The following PTPN14 variants were observed in gnomAD, a reference collection of about 807,000 sequenced individuals.
PTPN14 encodes tyrosine-protein phosphatase non-receptor type 14.
In PTPN14, 53 loss-of-function variants were observed where a neutral mutation model predicts 126.8. The ratio of observed to expected loss-of-function variants is 0.42; its 90% confidence interval spans 0.34 to 0.53. The LOEUF (loss-of-function observed/expected upper bound fraction) is 0.53, where lower values mean the gene tolerates loss of function less well. Ranked by LOEUF, PTPN14 falls within the 20% of genes least tolerant of loss-of-function variation. PTPN14 has a pLI of 0.08. For missense variants in PTPN14, 1,257 were observed against 1,552.9 expected, an observed-to-expected ratio of 0.81 and a Z score of 3.20; for synonymous variants, 630 against 599.3, an observed-to-expected ratio of 1.05 and a Z score of -0.75.
chr1:214,416,431 G>A (rs1659427632), intron 3 of PTPN14, among the ~76,000 whole-genome samples: 1 of 152,296 alleles, frequency 6.6e-6, no homozygotes, highest in South Asian at 2.1e-4. Flanking sequence ...CAAAACAACA[G>A]CTCTAGTTCT....
intron 1 of PTPN14, among the ~76,000 whole-genome samples, chr1:214,523,713 G>A (rs1436277977): frequency 6.6e-6 from 1 of 152,192 alleles, no homozygotes; most frequent in Non-Finnish European, 1.5e-5. Flanking sequence ...GGCCCCAGGA[G>A]TACTGGCCAC....
At chr1:214,476,283 T>C (rs187272274) in intron 1 of PTPN14, among the ~76,000 whole-genome samples, 1 of 152,236 alleles carries the variant, frequency 6.6e-6, no homozygotes, top group East Asian at 1.9e-4. Context: ...CAAAAGCAAA[T>C]GGAAAGGTTT....
chr1:214,380,143 T>C (rs1410356424), intron 13 of PTPN14, among the ~76,000 whole-genome samples: 1 of 145,326 alleles, frequency 6.9e-6, no homozygotes, highest in East Asian at 1.9e-4. Context: ...TTTTTCTTTC[T>C]TTTTTTTTAT....
At chr1:214,381,262 G>A (rs1658465812) in intron 13 of PTPN14, among the ~76,000 whole-genome samples, 6 of 152,236 alleles carry the variant, frequency 3.9e-5, no homozygotes, top group Admixed American at 2.0e-4. Context: ...ACATCATTAA[G>A]TATCAAGTTG....
chr1:214,487,708 C>A (rs564445205), intron 1 of PTPN14, among the ~76,000 whole-genome samples: 1 of 151,790 alleles, frequency 6.6e-6, no homozygotes, highest in Admixed American at 6.6e-5. Context: ...ATATACTTTG[C>A]AATTAGTCTG....
At chr1:214,546,771 A>C (rs1338558635) in intron 1 of PTPN14, among the ~76,000 whole-genome samples, 3 of 152,202 alleles carry the variant, frequency 2.0e-5, no homozygotes, top group Non-Finnish European at 2.9e-5. Context: ...GACGAGGCTC[A>C]AGATGAAACT....
At chr1:214,385,348 G>T (rs983379585) in intron 12 of PTPN14, among the ~76,000 whole-genome samples, 2 of 152,130 alleles carry the variant, frequency 1.3e-5, no homozygotes, top group Admixed American at 6.6e-5. Flanking sequence ...GCAATAAAGG[G>T]CAAAATTAGA....
At chr1:214,367,171 T>C (rs1387953535) in intron 17 of PTPN14, among the ~76,000 whole-genome samples, 1 of 152,190 alleles carries the variant, frequency 6.6e-6, no homozygotes, top group Non-Finnish European at 1.5e-5. Context: ...AAAATTTTAA[T>C]AAGTCAATTA....
At chr1:214,481,278 G>T (rs1225738592) in intron 1 of PTPN14, among the ~76,000 whole-genome samples, 1 of 151,872 alleles carries the variant, frequency 6.6e-6, no homozygotes, top group Admixed American at 6.6e-5. Context: ...AGGCCAAGGT[G>T]GGCAGATCAT....
Position 214,356,537 on chromosome 1 carries a change from A to T in PTPN14, c.*1385T>A, listed in dbSNP as rs1306963503. ...TGATTTATTGTGTACCATCCTTGGA[A>T]ATTCAGAAGGACACTGACCAATGAA... On this transcript the variant is annotated 3_prime_UTR_variant, in exon 19 of 19. Transcript: ENST00000366956. 6.6e-6 allele frequency: 1 copy of T among 152,232 alleles called. No homozygotes were observed. The highest frequency in any genetic ancestry group is 1.5e-5 in the Non-Finnish European group (1 of 68,042). 9.4% of individuals were successfully genotyped at this position (152,232 alleles called of 1,614,324 possible).
chr1:214,362,080 C>T (rs1054902388), intron 18 of PTPN14, among the ~76,000 whole-genome samples: 55 of 148,262 alleles, frequency 3.7e-4, no homozygotes, highest in African/African-American at 1.3e-3. Flanking sequence ...GAAAAATGGT[C>T]CCACAATTTA....
At chr1:214,466,251 C>T (rs1210694644) in intron 1 of PTPN14, among the ~76,000 whole-genome samples, 3 of 150,734 alleles carry the variant, frequency 2.0e-5, no homozygotes, top group Non-Finnish European at 4.4e-5. Flanking sequence ...CGTGAGCCAA[C>T]GCACCCGGCC....
rs1290761080 is a variant in PTPN14 at position 214,451,149 on chromosome 1, TTTGTTTTTG to T, written c.344+647_344+655del. ...GACAAAACAGAATTAGGTTTTTGTT[TTTGTTTTTG>T]TTGTTTTTGTTTTTGTTTTTGAGAC... On this transcript the variant is annotated intron_variant, in intron 3 of 18. Transcript: ENST00000366956. 4.4e-5 allele frequency among the ~76,000 whole-genome samples: 6 copies of T among 135,112 alleles called. No homozygotes were observed. The Admixed American group carries it at 4.7e-4, about 11-fold the overall frequency. The allele number at this position is 135,112 out of a possible 152,430, so 88.6% of individuals were successfully genotyped here. A position where few individuals can be genotyped will look rare whatever the true frequency, so the allele number is the denominator to read the frequency against.
intron 1 of PTPN14, among the ~76,000 whole-genome samples, chr1:214,481,139 C>A (rs1660975995): frequency 6.6e-6 from 1 of 152,070 alleles, no homozygotes; most frequent in South Asian, 2.1e-4. Context: ...AAGATTATAT[C>A]CAATCTCACT....
At chr1:214,482,850 C>A (rs1238747935) in intron 1 of PTPN14, 1 of 1,604,152 alleles carries the variant, frequency 6.2e-7, no homozygotes, top group Non-Finnish European at 8.5e-7. Flanking sequence ...ACTGATGTCA[C>A]CAATGTTAAT....
At chr1:214,403,914 C>T (rs1160023179) in intron 5 of PTPN14, among the ~76,000 whole-genome samples, 1 of 152,144 alleles carries the variant, frequency 6.6e-6, no homozygotes. Flanking sequence ...CACAGATGGG[C>T]ACCATTTTCC....
rs139958001 is a variant in PTPN14 at position 214,533,658 on chromosome 1, C to T, written c.-155+17525G>A. Reference sequence around the variant, plus strand: ...CATCCTGGCTAACACGGTGAAACCCCATCTCTACTAAAAATACAAAAACAA... The same window carrying T: ...CATCCTGGCTAACACGGTGAAACCCTATCTCTACTAAAAATACAAAAACAA... On this transcript the variant is annotated intron_variant, in intron 1 of 18. Coordinates refer to ENST00000366956, the MANE Select transcript of PTPN14 (RefSeq NM_005401.5). 3.4e-3 allele frequency among the ~76,000 whole-genome samples: 523 copies of T among 151,890 alleles called. 3 individuals carry two copies. The highest frequency in any genetic ancestry group is 5.9e-3 in the Non-Finnish European group (400 of 67,924).
At chr1:214,512,635 G>A (rs6693492) in intron 1 of PTPN14, among the ~76,000 whole-genome samples, 56,870 of 152,032 alleles carry the variant, frequency 0.37, 14,880 homozygotes, top group African/African-American at 0.73. Flanking sequence ...CAACTAATGA[G>A]TTGCACACTT....
intron 8 of PTPN14, 58 bp downstream of exon 8, chr1:214,397,855 T>C (rs757468113): frequency 4.9e-5 from 68 of 1,397,444 alleles, no homozygotes; most frequent in Non-Finnish European, 6.5e-5. Flanking sequence ...AATGTAACAT[T>C]AACATTACAG....
Sources: allele counts gnomAD v4.1 joint callset (sites outside exome capture counted in the v4.1 genomes callset), GRCh38; gene constraint gnomAD v4.1.1; transcripts MANE v1.5; gene names NCBI Gene and HGNC (gene_info 2026-07-23, HGNC 2026-07-21).